The following LRRFIP2 variants were observed in gnomAD, a reference collection of about 807,000 sequenced individuals.
LRRFIP2 encodes leucine-rich repeat flightless-interacting protein 2.
A neutral mutation model predicts 125.9 loss-of-function variants in LRRFIP2; 109 were observed. The observed-to-expected ratio is 0.87, with a 90% CI of 0.74 to 1.01. The LOEUF (loss-of-function observed/expected upper bound fraction) is 1.01, where lower values mean the gene tolerates loss of function less well. LRRFIP2 is among the 50% of genes least tolerant of loss of function. The pLI, the probability that LRRFIP2 is intolerant of heterozygous loss-of-function variation, is 0.00. For synonymous variants in LRRFIP2, 291 were observed against 293.1 expected, an observed-to-expected ratio of 0.99 and a Z score of 0.07; for missense variants, 850 against 862.3, an observed-to-expected ratio of 0.99 and a Z score of 0.18.
Position 37,054,400 on chromosome 3 carries a change from A to G in LRRFIP2, c.2055+11T>C. 1 of 1,596,548 alleles carries G rather than the reference A, an allele frequency of 6.3e-7. No homozygotes were observed. The highest frequency in any genetic ancestry group is 8.6e-7 in the Non-Finnish European group (1 of 1,165,438). ...GAATGTATTCTCCAAGAAACATATT[A>G]AAAGAAGTACCTCTCGTTGTAGCTT... On this transcript the variant is annotated intron_variant, in intron 27 of 27. Transcript: ENST00000336686.
chr3:37,079,792 A>C (rs2092462071), intron 19 of LRRFIP2, among the ~76,000 whole-genome samples: 2 of 152,224 alleles, frequency 1.3e-5, no homozygotes, highest in Admixed American at 1.3e-4. Flanking sequence ...ATGAACCTTG[A>C]AAACATCACG....
intron 6 of LRRFIP2, among the ~76,000 whole-genome samples, chr3:37,116,265 C>T: frequency 6.6e-6 from 1 of 151,884 alleles, no homozygotes; most frequent in East Asian, 1.9e-4. Flanking sequence ...CCTGGAACTA[C>T]AGAACTACAG....
intron 1 of LRRFIP2, among the ~76,000 whole-genome samples, chr3:37,156,934 A>G (rs2096217943): frequency 6.6e-6 from 1 of 152,002 alleles, no homozygotes. Context: ...GTTCAAGACC[A>G]GCCTGACCAA....
At chr3:37,122,458 G>C (rs909934047) in intron 4 of LRRFIP2, among the ~76,000 whole-genome samples, 1 of 152,070 alleles carries the variant, frequency 6.6e-6, no homozygotes, top group Non-Finnish European at 1.5e-5. Flanking sequence ...AAGAGAACTT[G>C]AGTTCAGCAT....
intron 19 of LRRFIP2, among the ~76,000 whole-genome samples, chr3:37,077,579 A>T (rs1170727690): frequency 6.6e-6 from 1 of 152,198 alleles, no homozygotes; most frequent in African/African-American, 2.4e-5. Context: ...AACCATTAAA[A>T]TTTAAAATTC....
At chr3:37,100,857 CAG>C (rs1182672333) in intron 15 of LRRFIP2, among the ~76,000 whole-genome samples, 9 of 151,998 alleles carry the variant, frequency 5.9e-5, no homozygotes, top group Non-Finnish European at 2.9e-5. Flanking sequence ...ACTTTGTATG[CAG>C]AGAGAGTTAT....
At chr3:37,142,919 C>T (rs1423911613) in intron 2 of LRRFIP2, among the ~76,000 whole-genome samples, 1 of 152,054 alleles carries the variant, frequency 6.6e-6, no homozygotes, top group Non-Finnish European at 1.5e-5. Context: ...AGATGTAATC[C>T]CCAGTGTTGG....
At chr3:37,143,159 C>A (rs546639491) in intron 2 of LRRFIP2, among the ~76,000 whole-genome samples, 1 of 152,182 alleles carries the variant, frequency 6.6e-6, no homozygotes. Context: ...CTACAGCCTG[C>A]CAAACCATAA....
intron 14 of LRRFIP2, 34 bp downstream of exon 14, chr3:37,105,421 T>C: frequency 6.3e-7 from 1 of 1,582,500 alleles, no homozygotes; most frequent in Non-Finnish European, 8.7e-7. Flanking sequence ...CATTTAAAAC[T>C]CATCTTATTT....
At chr3:37,057,412 A>C (rs1055772448) in intron 25 of LRRFIP2, among the ~76,000 whole-genome samples, 5 of 152,322 alleles carry the variant, frequency 3.3e-5, no homozygotes, top group African/African-American at 1.2e-4. Flanking sequence ...CACCAAAATG[A>C]CATTCTTGAA....
Position 37,123,251 on chromosome 3 carries a change from C to T in LRRFIP2, c.229-1560G>A, listed in dbSNP as rs576353532. Reference sequence around the variant, plus strand: ...TCGCCTAGGCTGGAATGCAGTGGCGCGACCTCAGTTCATGGCAACCTCAGC... The same window carrying T: ...TCGCCTAGGCTGGAATGCAGTGGCGTGACCTCAGTTCATGGCAACCTCAGC... On this transcript the variant is annotated intron_variant, in intron 4 of 27. Transcript: ENST00000336686. 2.0e-5 allele frequency among the ~76,000 whole-genome samples: 3 copies of T among 152,242 alleles called. No individual in the cohort carries two copies. The South Asian group carries it at 6.2e-4, about 32-fold the overall frequency.
At chr3:37,095,852 G>A (rs2093690614) in intron 16 of LRRFIP2, among the ~76,000 whole-genome samples, 2 of 152,040 alleles carry the variant, frequency 1.3e-5, no homozygotes, top group African/African-American at 2.4e-5. Context: ...TTACCGTGTT[G>A]GTCAGACTGG....
intron 3 of LRRFIP2, among the ~76,000 whole-genome samples, chr3:37,128,375 T>C (rs1314472325): frequency 6.6e-6 from 1 of 152,198 alleles, no homozygotes; most frequent in Non-Finnish European, 1.5e-5. Flanking sequence ...AGTAAAAGCA[T>C]ATTTATTTCA....
At chr3:37,138,208 C>T (rs2095605755) in intron 2 of LRRFIP2, among the ~76,000 whole-genome samples, 1 of 152,206 alleles carries the variant, frequency 6.6e-6, no homozygotes, top group South Asian at 2.1e-4. Context: ...CTTAAACTTT[C>T]TGATATTTAA....
intron 2 of LRRFIP2, among the ~76,000 whole-genome samples, chr3:37,144,351 T>A (rs1045535016): frequency 3.9e-5 from 6 of 152,234 alleles, no homozygotes; most frequent in African/African-American, 1.4e-4. Flanking sequence ...AAAGAAAAGA[T>A]CTGAAACAAC....
At position 37,075,071 on chromosome 3, in the gene LRRFIP2, T is replaced by C. The variant is rs772047924; in HGVS notation, c.1324A>G (p.Met442Val). ...KHMCSVLQHK[M>V]EELKEGLRQR... ...CGCAGGCCTTCTTTAAGTTCTTCCATCTTATGCTGCAGCACACTACACATA... is the reference window on the plus strand; with the variant it reads ...CGCAGGCCTTCTTTAAGTTCTTCCACCTTATGCTGCAGCACACTACACATA... The change falls in exon 20 of 28, where the codon ATG (methionine) becomes GTG (valine). Residue 442 changes from methionine (M) to valine (V), a missense_variant. Physicochemically the swap from Met to Val is conservative, Grantham distance 21 (BLOSUM62 1). Transcript: ENST00000336686. 10 of 1,612,942 alleles carry C rather than the reference T, an allele frequency of 6.2e-6. No homozygotes were observed. The South Asian group carries it at 1.1e-4, about 18-fold the overall frequency.
chr3:37,114,670 C>T (rs115640775), intron 7 of LRRFIP2, among the ~76,000 whole-genome samples: 74 of 151,824 alleles, frequency 4.9e-4, no homozygotes, highest in African/African-American at 1.8e-3. Context: ...TTATAGTACT[C>T]GCTACTCAGA....
intron 1 of LRRFIP2, among the ~76,000 whole-genome samples, chr3:37,173,191 C>T (rs2150457022): frequency 6.6e-6 from 1 of 151,406 alleles, no homozygotes; most frequent in Non-Finnish European, 1.5e-5. Context: ...GAGCGAGACT[C>T]CACCTAAAAA....
At chr3:37,100,946 C>A (rs902795631) in intron 15 of LRRFIP2, among the ~76,000 whole-genome samples, 3 of 152,110 alleles carry the variant, frequency 2.0e-5, no homozygotes, top group African/African-American at 4.8e-5. Flanking sequence ...TTAAGAACCA[C>A]ACATAAAATT....
Sources: gnomAD v4.1 joint callset for allele counts (sites outside exome capture counted in the v4.1 genomes callset) on GRCh38, gnomAD v4.1.1 for gene constraint, MANE v1.5 for transcripts, NCBI Gene and HGNC (gene_info 2026-07-23, HGNC 2026-07-21) for gene names.